SLC2A4: variants seen among roughly 807,000 people sequenced by gnomAD.
SLC2A4 encodes the protein solute carrier family 2 member 4.
A neutral mutation model predicts 53.3 loss-of-function variants in SLC2A4; 31 were observed. The ratio of observed to expected loss-of-function variants is 0.58; its 90% CI spans 0.44 to 0.78. The LOEUF is 0.78. Ranked by LOEUF, SLC2A4 falls within the 30% of genes least tolerant of loss-of-function variation. The pLI is 0.00. For missense variants in SLC2A4, 538 were observed against 655.7 expected (o/e 0.82, Z 1.96); for synonymous variants, 276 against 281.9 (o/e 0.98, Z 0.21).
In SLC2A4 at chr17:7,287,121, T is replaced by G. The variant is rs55782239; in HGVS notation, c.*492T>G. 17 of 114,140 alleles carry G rather than the reference T, an allele frequency of 1.5e-4. No individual in the cohort carries two copies. Among genetic ancestry groups the G allele is most frequent in the Middle Eastern group, 4.7e-3 (1 of 212 alleles). 7.1% of individuals were successfully genotyped at this position (114,140 alleles called of 1,614,324 possible). A position where few individuals can be genotyped will look rare whatever the true frequency, so the allele number is the denominator to read the frequency against. On this transcript the variant is annotated 3_prime_UTR_variant, in exon 11 of 11. Coordinates refer to ENST00000317370, the MANE Select transcript of SLC2A4 (RefSeq NM_001042.3). The stretch of plus-strand genomic sequence containing the variant: ...GCAGACTCTGGGCAAAGGGGTTTTT[T>G]TTTTTTTTTTTTTTTTTTTTTTTGA...
chr17:7,284,154 G>T lies in SLC2A4; in HGVS notation c.565-63G>T. ...AGAGTGGGGCTCTGGAGAATATGGTGGGCTTCCAAGGTAAGGCAGAAGGGC... is the reference window on the plus strand; with the variant it reads ...AGAGTGGGGCTCTGGAGAATATGGTTGGCTTCCAAGGTAAGGCAGAAGGGC... On this transcript the variant is annotated intron_variant, in intron 5 of 10. Transcript: ENST00000317370. The surrounding 1 kb of genome is among the most constrained non-coding windows in gnomAD (Gnocchi z 7.5). 6.2e-7 allele frequency: 1 copy of T among 1,610,000 alleles called. No individual in the cohort carries two copies.
chr17:7,286,943 C>T lies in SLC2A4; in HGVS notation c.*314C>T, dbSNP rs1301459237. On this transcript the variant is annotated 3_prime_UTR_variant, in exon 11 of 11. Transcript: ENST00000317370. ...AGACTCAGCTCCAGAATACCTTCTT[C>T]GCTGCTAGAGAAGGGGGATTGGAGG... The T allele has an allele frequency of 7.9e-6, 3 of 379,768 alleles. No homozygotes were observed. Among genetic ancestry groups the T allele is most frequent in the East Asian group, 6.4e-5 (1 of 15,660 alleles). The allele number at this position is 379,768 out of a possible 1,614,324, so 23.5% of individuals were successfully genotyped here.
Position 7,285,241 on chromosome 17 carries a change from C to T in SLC2A4, c.1122+52C>T, listed in dbSNP as rs906032059. ...AGCAGCCCACCCCATGGGAATGGTC[C>T]TGTGAGTCTCTGTGACCAGCCAGGG... On this transcript the variant is annotated intron_variant, in intron 9 of 10. Transcript: ENST00000317370. The surrounding 1 kb of genome is among the most constrained non-coding windows in gnomAD (Gnocchi z 6.0). 7.2e-7 allele frequency: 1 copy of T among 1,392,942 alleles called. No individual in the cohort carries two copies. Among genetic ancestry groups the T allele is most frequent in the Non-Finnish European group, 9.9e-7 (1 of 1,006,778 alleles). The allele number at this position is 1,392,942 out of a possible 1,614,324, so 86.3% of individuals were successfully genotyped here.
In SLC2A4 at chr17:7,288,083, G is replaced by C. The variant is rs1462062669; in HGVS notation, c.*1454G>C. 6.6e-6 allele frequency: 1 copy of C among 152,402 alleles called. No individual in the cohort carries two copies. Among genetic ancestry groups the C allele is most frequent in the Non-Finnish European group, 1.5e-5 (1 of 68,140 alleles). The allele number at this position is 152,402 out of a possible 1,614,324, so 9.4% of individuals were successfully genotyped here. ...CTCTGTGAGGGAGGTGTCAGCCCAT[G>C]TCACAGATGGGCAGTGAAACCCATG... On this transcript the variant is annotated 3_prime_UTR_variant, in exon 11 of 11. Coordinates refer to ENST00000317370, the MANE Select transcript of SLC2A4 (RefSeq NM_001042.3).
At position 7,284,151 on chromosome 17, in the gene SLC2A4, G is replaced by T; in HGVS notation, c.564+62G>T. On this transcript the variant is annotated intron_variant, in intron 5 of 10. Coordinates refer to ENST00000317370, the MANE Select transcript of SLC2A4 (RefSeq NM_001042.3). This position sits in a 1 kb window ranked among gnomAD's most constrained non-coding sequence, Gnocchi z 7.5. ...GTTAGAGTGGGGCTCTGGAGAATAT[G>T]GTGGGCTTCCAAGGTAAGGCAGAAG... The T allele has an allele frequency of 6.2e-7, 1 of 1,610,352 alleles. No individual in the cohort carries two copies.
chr17:7,286,986 T>G lies in SLC2A4; in HGVS notation c.*357T>G. On this transcript the variant is annotated 3_prime_UTR_variant, in exon 11 of 11. Coordinates refer to ENST00000317370, the MANE Select transcript of SLC2A4 (RefSeq NM_001042.3). ...ATTGGAGGGAAGACAGGTCTAGACT[T>G]TCTCAGTGGGACAAACCAGAGCAGA... 3 of 336,962 alleles carry G rather than the reference T, an allele frequency of 8.9e-6. No homozygotes were observed. The highest frequency in any genetic ancestry group is 2.6e-5 in the South Asian group (1 of 38,796). The allele number at this position is 336,962 out of a possible 1,614,324, so 20.9% of individuals were successfully genotyped here.
Position 7,281,730 on chromosome 17 carries a change from A to T in SLC2A4, c.-205A>T, listed in dbSNP as rs1307449074. 4 of 626,854 alleles carry T rather than the reference A, an allele frequency of 6.4e-6. No individual in the cohort carries two copies. The East Asian group carries it at 1.1e-4, about 17-fold the overall frequency. 38.8% of individuals were successfully genotyped at this position (626,854 alleles called of 1,614,324 possible). On this transcript the variant is annotated 5_prime_UTR_variant, in exon 1 of 11. Transcript: ENST00000317370. ...GGGGGCTTCTCGCGTCTTTTCCCCC[A>T]GCCCCGCTCCACCAGATCCGCGGGA...
chr17:7,283,936 G>A lies in SLC2A4; in HGVS notation c.449-38G>A. 1 of 1,613,524 alleles carries A rather than the reference G, an allele frequency of 6.2e-7. No individual in the cohort carries two copies. Among genetic ancestry groups the A allele is most frequent in the Non-Finnish European group, 8.5e-7 (1 of 1,179,484 alleles). On this transcript the variant is annotated intron_variant, in intron 4 of 10. Coordinates refer to ENST00000317370, the MANE Select transcript of SLC2A4 (RefSeq NM_001042.3). The surrounding 1 kb of genome is among the most constrained non-coding windows in gnomAD (Gnocchi z 5.8). ...ATGCCTGGGCTTTCAGATGGGAATG[G>A]ACACCTGCCCTCAGCCCTCTCTTCT...
rs1331486840 is a variant in SLC2A4, at chr17:7,286,949, T to C, written c.*320T>C. On this transcript the variant is annotated 3_prime_UTR_variant, in exon 11 of 11. Coordinates refer to ENST00000317370, the MANE Select transcript of SLC2A4 (RefSeq NM_001042.3). ...AGCTCCAGAATACCTTCTTCGCTGC[T>C]AGAGAAGGGGGATTGGAGGGAAGAC... 5.4e-6 allele frequency: 2 copies of C among 371,072 alleles called. No homozygotes were observed. Among genetic ancestry groups the C allele is most frequent in the African/African-American group, 4.2e-5 (2 of 47,534 alleles). The allele number at this position is 371,072 out of a possible 1,614,324, so 23.0% of individuals were successfully genotyped here. A position where few individuals can be genotyped will look rare whatever the true frequency, so the allele number is the denominator to read the frequency against.
rs35240617 is a variant in SLC2A4 at position 7,287,115 on chromosome 17, GTTT to G, written c.*513_*515del. The G allele has an allele frequency of 6.6e-3, 647 of 97,844 alleles. 24 individuals carry two copies. Among genetic ancestry groups the G allele is most frequent in the African/African-American group, 0.02 (480 of 23,960 alleles). 6.1% of individuals were successfully genotyped at this position (97,844 alleles called of 1,614,324 possible). A position where few individuals can be genotyped will look rare whatever the true frequency, so the allele number is the denominator to read the frequency against. On this transcript the variant is annotated 3_prime_UTR_variant, in exon 11 of 11. Transcript: ENST00000317370. ...TGCCACGCAGACTCTGGGCAAAGGG[GTTT>G]TTTTTTTTTTTTTTTTTTTTTTTTT...
Position 7,282,345 on chromosome 17 carries a change from G to A in SLC2A4, c.33+378G>A. On this transcript the variant is annotated intron_variant, in intron 1 of 10. Transcript: ENST00000317370. The surrounding 1 kb of genome is among the most constrained non-coding windows in gnomAD (Gnocchi z 4.1). ...CCGTCCGTCTTCGCTCACGGGCAGT[G>A]TTTCGAGGACCGGAGGCTCTCCGTG... 2.1e-6 allele frequency: 1 copy of A among 481,070 alleles called. No individual in the cohort carries two copies. Among genetic ancestry groups the A allele is most frequent in the Non-Finnish European group, 4.1e-6 (1 of 243,734 alleles). 29.8% of individuals were successfully genotyped at this position (481,070 alleles called of 1,614,324 possible).
At position 7,285,905 on chromosome 17, in the gene SLC2A4, T is replaced by C. The variant is rs1181132070; in HGVS notation, c.1323T>C (p.Val441=). The change falls in exon 10 of 11, where the codon GTT becomes GTC. Residue 441 remains valine, a synonymous_variant. Coordinates refer to ENST00000317370, the MANE Select transcript of SLC2A4 (RefSeq NM_001042.3). This position sits in a 1 kb window ranked among gnomAD's most constrained non-coding sequence, Gnocchi z 6.0. ...TCATTGGCATGGGTTTCCAGTATGT[T>C]GCGGTAGGTCCCCCCGCCCCAGCCT... is the stretch of plus-strand genomic sequence containing the variant. The part of the protein sequence containing the change: ...NFIIGMGFQY[V]AEAMGPYVFL... 3 of 1,612,008 alleles carry C rather than the reference T, an allele frequency of 1.9e-6. No individual in the cohort carries two copies. The highest frequency in any genetic ancestry group is 3.3e-5 in the Admixed American group (2 of 59,946).
Position 7,284,107 on chromosome 17 carries a change from C to A in SLC2A4, c.564+18C>A. 1 of 1,612,250 alleles carries A rather than the reference C, an allele frequency of 6.2e-7. No homozygotes were observed. Among genetic ancestry groups the A allele is most frequent in the South Asian group, 1.1e-5 (1 of 90,974 alleles). On this transcript the variant is annotated intron_variant, in intron 5 of 10. Transcript: ENST00000317370. The surrounding 1 kb of genome is among the most constrained non-coding windows in gnomAD (Gnocchi z 7.5). The stretch of plus-strand genomic sequence containing the variant: ...TCGCCCAGGTGACCGGAGCAAGCCT[C>A]ATGGGTGCCTGGGCAGTGGTTAGAG...
chr17:7,284,867 A>G lies in SLC2A4; in HGVS notation c.948A>G (p.Thr316=). Reference sequence around the variant, plus strand: ...ATTATTCGACCAGCATCTTCGAGACAGCAGGGGTAGGCCAGCCTGCCTATG... The same window carrying G: ...ATTATTCGACCAGCATCTTCGAGACGGCAGGGGTAGGCCAGCCTGCCTATG... ...VFYYSTSIFE[T]AGVGQPAYAT... The change falls in exon 8 of 11, where the codon ACA becomes ACG. Residue 316 remains threonine, a synonymous_variant. Transcript: ENST00000317370. This position sits in a 1 kb window ranked among gnomAD's most constrained non-coding sequence, Gnocchi z 7.5. 1 of 1,614,144 alleles carries G rather than the reference A, an allele frequency of 6.2e-7. No homozygotes were observed. Among genetic ancestry groups the G allele is most frequent in the Non-Finnish European group, 8.5e-7 (1 of 1,180,008 alleles).
rs1473156783 is a variant in SLC2A4, at chr17:7,284,061, C to G, written c.536C>G (p.Ala179Gly). Reference protein sequence around the residue: ...RGALGTLNQLAIVIGILIAQV... With the variant: ...RGALGTLNQLGIVIGILIAQV... ...GCCCTGGGGACGCTCAACCAACTGG[C>G]CATTGTTATCGGCATTCTGATCGCC... is the stretch of plus-strand genomic sequence containing the variant. Residue 179 changes from alanine to glycine, a missense_variant, in exon 5 of 11, where the codon GCC (alanine) becomes GGC (glycine). Physicochemically the swap from Ala to Gly is moderately conservative, Grantham distance 60 (BLOSUM62 0). Transcript: ENST00000317370. This position sits in a 1 kb window ranked among gnomAD's most constrained non-coding sequence, Gnocchi z 7.5. 1 of 1,613,994 alleles carries G rather than the reference C, an allele frequency of 6.2e-7. No homozygotes were observed.
chr17:7,285,958 C>A lies in SLC2A4; in HGVS notation c.1326+50C>A. ...CACACCGTAGGCCAGAGGTGGGCAT[C>A]ACACAGCTAGCCCACCTGCTTCCCC... On this transcript the variant is annotated intron_variant, in intron 10 of 10. Coordinates refer to ENST00000317370, the MANE Select transcript of SLC2A4 (RefSeq NM_001042.3). This position sits in a 1 kb window ranked among gnomAD's most constrained non-coding sequence, Gnocchi z 6.0. The A allele has an allele frequency of 6.5e-7, 1 of 1,542,774 alleles. No homozygotes were observed. Among genetic ancestry groups the A allele is most frequent in the Non-Finnish European group, 8.9e-7 (1 of 1,125,254 alleles).
At position 7,284,178 on chromosome 17, in the gene SLC2A4, G is replaced by T; in HGVS notation, c.565-39G>T. ...TGGGCTTCCAAGGTAAGGCAGAAGG[G>T]CTGAGTGACCTGCCTTCTTTCCCAA... is the stretch of plus-strand genomic sequence containing the variant. On this transcript the variant is annotated intron_variant, in intron 5 of 10. Coordinates refer to ENST00000317370, the MANE Select transcript of SLC2A4 (RefSeq NM_001042.3). This position sits in a 1 kb window ranked among gnomAD's most constrained non-coding sequence, Gnocchi z 7.5. 1 of 1,611,132 alleles carries T rather than the reference G, an allele frequency of 6.2e-7. No individual in the cohort carries two copies.
chr17:7,286,173 C>G, intron 10 of SLC2A4: 1 of 625,968 alleles, frequency 1.6e-6, no homozygotes, highest in Non-Finnish European at 2.8e-6. Flanking sequence ...ATACTACAAA[C>G]AGCTGGGACT....
Position 7,286,581 on chromosome 17 carries a change from G to A in SLC2A4, c.1482G>A (p.Val494=). ...CACCCTCTCTTTTAGAGCAGGAGGT[G>A]AAACCCAGCACAGAACTTGAGTATT... ...HRTPSLLEQE[V]KPSTELEYLG... The change falls in exon 11 of 11, where the codon GTG becomes GTA. Residue 494 remains valine, a synonymous_variant. Coordinates refer to ENST00000317370, the MANE Select transcript of SLC2A4 (RefSeq NM_001042.3). 4 of 1,614,182 alleles carry A rather than the reference G, an allele frequency of 2.5e-6. No individual in the cohort carries two copies. The highest frequency in any genetic ancestry group is 3.4e-6 in the Non-Finnish European group (4 of 1,180,038).
Sources: gnomAD v4.1 joint callset for allele counts on GRCh38, gnomAD v4.1.1 for gene constraint, Gnocchi (gnomAD v3.1) non-coding constraint, MANE v1.5 for transcripts, NCBI Gene and HGNC (gene_info 2026-07-23, HGNC 2026-07-21) for gene names.